NTM: variants seen among roughly 807,000 people sequenced by gnomAD.
NTM encodes the protein neurotrimin.
NTM carries 13 observed loss-of-function variants against 42.1 expected under a neutral mutation model. That is an observed-to-expected ratio of 0.31 (90% CI 0.20 to 0.49). The LOEUF (loss-of-function observed/expected upper bound fraction) is 0.49. Among genes scored for constraint, NTM ranks in the 20% least tolerant of loss-of-function variants. The probability of loss-of-function intolerance (pLI) is 0.99; values close to 1 mark genes in which losing one functional copy is unlikely to be tolerated. For synonymous variants in NTM, 187 were observed against 179.2 expected (o/e 1.04, Z -0.35); for missense variants, 373 against 452.8 (o/e 0.82, Z 1.60).
At chr11:132,159,713 C>T (rs1220695002) in intron 3 of NTM, among the ~76,000 whole-genome samples, 2 of 152,032 alleles carry the variant, frequency 1.3e-5, no homozygotes, top group African/African-American at 4.8e-5. Context: ...GAGGAACTTC[C>T]CAGAAAAAAA....
chr11:132,067,466 A>G (rs1174298288), intron 2 of NTM, among the ~76,000 whole-genome samples: 1 of 152,234 alleles, frequency 6.6e-6, no homozygotes, highest in African/African-American at 2.4e-5. Context: ...GGGTGGTACT[A>G]TGGATATGAT....
intron 2 of NTM, among the ~76,000 whole-genome samples, chr11:132,065,232 A>G (rs574053820): frequency 1.1e-3 from 160 of 152,314 alleles, no homozygotes; most frequent in African/African-American, 3.8e-3. Context: ...CCAAGTGTAG[A>G]TGTCCTTTCT....
chr11:132,136,330 G>T (rs1219887788), intron 2 of NTM, among the ~76,000 whole-genome samples: 1 of 152,238 alleles, frequency 6.6e-6, no homozygotes, highest in African/African-American at 2.4e-5. Context: ...TGGGCACTGT[G>T]TTACCACCAA....
intron 1 of NTM, among the ~76,000 whole-genome samples, chr11:131,641,457 G>A (rs1350241690): frequency 6.6e-6 from 1 of 152,140 alleles, no homozygotes; most frequent in Non-Finnish European, 1.5e-5. Flanking sequence ...GTAGAGCTGC[G>A]ACCTACCTCT....
chr11:131,547,299 TCAAA>T (rs1302125317), intron 1 of NTM, among the ~76,000 whole-genome samples: 4 of 152,112 alleles, frequency 2.6e-5, no homozygotes, highest in South Asian at 2.1e-4. Flanking sequence ...CATTTCCACA[TCAAA>T]CAAAGTAACA....
chr11:131,812,042 C>T (rs1172662562), intron 1 of NTM, among the ~76,000 whole-genome samples: 1 of 152,134 alleles, frequency 6.6e-6, no homozygotes, highest in African/African-American at 2.4e-5. Flanking sequence ...TTATCTCCAC[C>T]CAGCCTAACA....
At chr11:131,656,401 C>T (rs1349666335) in intron 1 of NTM, among the ~76,000 whole-genome samples, 1 of 152,238 alleles carries the variant, frequency 6.6e-6, no homozygotes, top group Non-Finnish European at 1.5e-5. Context: ...CTCTCGCTTT[C>T]TTTTCCTTCC....
chr11:131,991,944 G>A lies in NTM; in HGVS notation c.167+80296G>A, dbSNP rs138194882. Among the ~76,000 whole-genome samples the A allele has an allele frequency of 1.2e-3, 183 of 152,272 alleles. 2 individuals are homozygous for A. Among genetic ancestry groups the A allele is most frequent in the East Asian group, 1.9e-4 (1 of 5,182 alleles). ...TATTTTCATGAAGTGCTTATAGTCC[G>A]TGTTTATTAATCTGCATCATTCTGG... On this transcript the variant is annotated intron_variant, in intron 2 of 8. Transcript: ENST00000683400.
intron 2 of NTM, among the ~76,000 whole-genome samples, chr11:131,958,270 G>T (rs1172612432): frequency 6.6e-6 from 1 of 152,112 alleles, no homozygotes; most frequent in African/African-American, 2.4e-5. Context: ...CAGTACCAGG[G>T]GAGTGATGGG....
At chr11:131,818,552 G>A (rs1406491902) in intron 1 of NTM, among the ~76,000 whole-genome samples, 1 of 152,052 alleles carries the variant, frequency 6.6e-6, no homozygotes, top group East Asian at 1.9e-4. Context: ...TGGGGGTTGG[G>A]GGCAGGCTAT....
intron 1 of NTM, among the ~76,000 whole-genome samples, chr11:131,577,803 G>A (rs2058063523): frequency 6.6e-6 from 1 of 152,164 alleles, no homozygotes; most frequent in Non-Finnish European, 1.5e-5. Flanking sequence ...TACTGTCTTA[G>A]ATTTATTAAG....
chr11:131,741,160 G>A (rs991523148), intron 1 of NTM, among the ~76,000 whole-genome samples: 9 of 111,560 alleles, frequency 8.1e-5, no homozygotes, highest in African/African-American at 1.5e-4. Context: ...GCAAGACCCC[G>A]TTGAGAGAGA....
intron 1 of NTM, among the ~76,000 whole-genome samples, chr11:131,692,249 C>T (rs931044790): frequency 2.0e-5 from 3 of 152,226 alleles, no homozygotes. Context: ...GATGCTGGCA[C>T]AGGGCTAGTC....
intron 1 of NTM, among the ~76,000 whole-genome samples, chr11:131,666,623 C>T (rs2069103189): frequency 6.6e-6 from 1 of 152,198 alleles, no homozygotes; most frequent in South Asian, 2.1e-4. Flanking sequence ...CCTATGATCT[C>T]TGGGCAGAGG....
chr11:131,604,425 T>G (rs1432152945), intron 1 of NTM, among the ~76,000 whole-genome samples: 1 of 152,192 alleles, frequency 6.6e-6, no homozygotes, highest in Admixed American at 6.5e-5. Context: ...TGTGGGATAC[T>G]AGTCCTTTAT....
intron 1 of NTM, among the ~76,000 whole-genome samples, chr11:131,848,043 C>T (rs1330379507): frequency 6.6e-6 from 1 of 152,060 alleles, no homozygotes; most frequent in Non-Finnish European, 1.5e-5. Context: ...CAGTTGTTCT[C>T]TTTATTCTTT....
chr11:131,690,694 GC>G (rs960732201), intron 1 of NTM, among the ~76,000 whole-genome samples: 4 of 152,366 alleles, frequency 2.6e-5, no homozygotes, highest in African/African-American at 9.6e-5. Context: ...GTGAGAAGCA[GC>G]CTGGGGTCCA....
At chr11:131,396,522 G>A (rs1484021061) in intron 1 of NTM, among the ~76,000 whole-genome samples, 1 of 152,128 alleles carries the variant, frequency 6.6e-6, no homozygotes, top group East Asian at 1.9e-4. Flanking sequence ...GGTGAAAGAA[G>A]TTAAATTAAG....
intron 1 of NTM, among the ~76,000 whole-genome samples, chr11:131,741,323 C>T (rs2081180461): frequency 6.6e-6 from 1 of 152,080 alleles, no homozygotes; most frequent in Non-Finnish European, 1.5e-5. Flanking sequence ...AGGATGAGGG[C>T]CTGAGTTCTG....
Sources: gnomAD v4.1 joint callset for allele counts (sites outside exome capture counted in the v4.1 genomes callset) on GRCh38, gnomAD v4.1.1 for gene constraint, MANE v1.5 for transcripts, NCBI Gene and HGNC (gene_info 2026-07-23, HGNC 2026-07-21) for gene names.